Variants in XCR1 observed in about 807,000 individuals in gnomAD.
The protein encoded by XCR1 is chemokine XC receptor 1.
For synonymous variants in XCR1, 187 were observed against 188.5 expected (o/e 0.99, Z 0.06); for missense variants, 356 against 424.2 (o/e 0.84, Z 1.41).
At chr3:46,044,518 T>C (rs989617393) in intron 5 of XCR1, among the ~76,000 whole-genome samples, 3 of 152,132 alleles carry the variant, frequency 2.0e-5, no homozygotes, top group African/African-American at 7.2e-5. Context: ...CTGTACATTG[T>C]CAATAAAATT....
chr3:46,024,100 G>C (rs1708236843), intron 1 of XCR1: 1 of 786,332 alleles, frequency 1.3e-6, no homozygotes, highest in Admixed American at 2.1e-5. Context: ...TACATCTCCA[G>C]AACTTCCCCT....
At position 46,021,602 on chromosome 3, in the gene XCR1, T is replaced by C. The variant is rs1157100121; in HGVS notation, c.346A>G (p.Ser116Gly). 4 of 1,612,900 alleles carry C rather than the reference T, an allele frequency of 2.5e-6. No individual in the cohort carries two copies. Among genetic ancestry groups the C allele is most frequent in the Non-Finnish European group, 3.4e-6 (4 of 1,179,462 alleles). ...GTCATGATGGTCAGGAAGAAGATGC[T>C]GCTGTAGAGGCTGATGGAGAAGATC... is the stretch of plus-strand genomic sequence containing the variant. Reference protein sequence around the residue: ...NMIFSISLYSSIFFLTIMTIH... With the variant: ...NMIFSISLYSGIFFLTIMTIH... The change falls in exon 2 of 2, where the codon AGC becomes GGC. Residue 116 changes from serine to glycine, a missense_variant. Ser to Gly is a moderately conservative substitution (Grantham distance 56). Coordinates refer to ENST00000309285, the MANE Select transcript of XCR1 (RefSeq NM_001024644.2). This position sits in a 1 kb window ranked among gnomAD's most constrained non-coding sequence, Gnocchi z 4.7.
chr3:46,060,117 T>C (rs1697933047), intron 4 of XCR1, among the ~76,000 whole-genome samples: 1 of 152,252 alleles, frequency 6.6e-6, no homozygotes, highest in African/African-American at 2.4e-5. Flanking sequence ...GAAATACTCA[T>C]ATATAGTCCT....
At position 46,021,942 on chromosome 3, in the gene XCR1, C is replaced by A. The variant is rs1299692557; in HGVS notation, c.6G>T (p.Glu2Asp). 8 of 1,609,922 alleles carry A rather than the reference C, an allele frequency of 5.0e-6. No individual in the cohort carries two copies. The South Asian group carries it at 7.8e-5, about 16-fold the overall frequency. Residue 2 changes from glutamate to aspartate, a missense_variant, in exon 2 of 2, where the codon GAG becomes GAT. Glu to Asp is a conservative substitution (Grantham distance 45). Coordinates refer to ENST00000309285, the MANE Select transcript of XCR1 (RefSeq NM_001024644.2). This position sits in a 1 kb window ranked among gnomAD's most constrained non-coding sequence, Gnocchi z 4.7. The stretch of plus-strand genomic sequence containing the variant: ...TGGTGCTCTCTGGGTTGCCTGAGGA[C>A]TCCATCTGGACCAGATGGCAGGGAC... M[E>D]SSGNPESTTF...
rs568812959 is a variant in XCR1 at position 46,021,967 on chromosome 3, C to T, written c.-20G>A. 2.4e-5 allele frequency: 38 copies of T among 1,588,898 alleles called. No individual in the cohort carries two copies. The highest frequency in any genetic ancestry group is 1.7e-4 in the Middle Eastern group (1 of 5,906). ...CTCCATCTGGACCAGATGGCAGGGA[C>T]GTTTAGAGCATCTGAAATGATAGAG... On this transcript the variant is annotated 5_prime_UTR_variant, in exon 2 of 2. Coordinates refer to ENST00000309285, the MANE Select transcript of XCR1 (RefSeq NM_001024644.2). The surrounding 1 kb of genome is among the most constrained non-coding windows in gnomAD (Gnocchi z 4.7).
chr3:46,017,129 C>T lies in XCR1; in HGVS notation c.*3817G>A, dbSNP rs1189765949. 1 of 152,174 alleles carries T rather than the reference C, an allele frequency of 6.6e-6. No individual in the cohort carries two copies. 9.4% of individuals were successfully genotyped at this position (152,174 alleles called of 1,614,324 possible). ...GTAGTTTTACATACATGACCTTATG[C>T]ACAGCCTCATAGTGTGGATGAGTCT... On this transcript the variant is annotated 3_prime_UTR_variant, in exon 2 of 2. Coordinates refer to ENST00000309285, the MANE Select transcript of XCR1 (RefSeq NM_001024644.2).
chr3:46,048,798 T>G lies in XCR1; in HGVS notation c.-32+5122A>C, dbSNP rs184946650. Reference sequence around the variant, plus strand: ...CCATCCATACCAGGAGTCAAAAAATTTAAAGTAAATAAGGCTAAATATAGT... The same window carrying G: ...CCATCCATACCAGGAGTCAAAAAATGTAAAGTAAATAAGGCTAAATATAGT... On this transcript the variant is annotated intron_variant, in intron 5 of 5. Coordinates refer to the XCR1 transcript ENST00000683768. 2.0e-3 allele frequency among the ~76,000 whole-genome samples: 309 copies of G among 152,292 alleles called. 1 individual carries two copies. Among genetic ancestry groups the G allele is most frequent in the African/African-American group, 7.2e-3 (300 of 41,550 alleles).
rs2125892083 is a variant in XCR1 at position 46,019,915 on chromosome 3, C to A, written c.*1031G>T. On this transcript the variant is annotated 3_prime_UTR_variant, in exon 2 of 2. Coordinates refer to ENST00000309285, the MANE Select transcript of XCR1 (RefSeq NM_001024644.2). Reference sequence around the variant, plus strand: ...GCATGCAATGGCAAGAATGAGTCAACTCTGAAAGCCACTAGACAGGCATAG... The same window carrying A: ...GCATGCAATGGCAAGAATGAGTCAAATCTGAAAGCCACTAGACAGGCATAG... 1 of 152,310 alleles carries A rather than the reference C, an allele frequency of 6.6e-6. No individual in the cohort carries two copies. The highest frequency in any genetic ancestry group is 2.1e-4 in the South Asian group (1 of 4,826). 9.4% of individuals were successfully genotyped at this position (152,310 alleles called of 1,614,324 possible).
intron 1 of XCR1, among the ~76,000 whole-genome samples, chr3:46,024,611 A>G (rs1341731252): frequency 6.6e-6 from 1 of 152,236 alleles, no homozygotes. Flanking sequence ...GCTTTCTATC[A>G]TGTATTGACT....
chr3:46,063,525 A>T (rs891427068), intron 4 of XCR1, among the ~76,000 whole-genome samples: 2 of 152,034 alleles, frequency 1.3e-5, no homozygotes, highest in African/African-American at 4.8e-5. Context: ...CCAGGAGAAA[A>T]GGGAACTGTG....
intron 5 of XCR1, among the ~76,000 whole-genome samples, chr3:46,051,692 A>G (rs538540204): frequency 1.3e-5 from 2 of 152,322 alleles, no homozygotes; most frequent in Admixed American, 1.3e-4. Context: ...TGCACTATGT[A>G]TTCTCTCAGT....
intron 4 of XCR1, among the ~76,000 whole-genome samples, chr3:46,064,454 C>A (rs1157957947): frequency 1.3e-5 from 2 of 152,186 alleles, no homozygotes; most frequent in African/African-American, 4.8e-5. Flanking sequence ...TTAAATATGG[C>A]TGCAAATTCT....
intron 1 of XCR1, among the ~76,000 whole-genome samples, chr3:46,079,658 A>T (rs2125904385): frequency 6.6e-6 from 1 of 152,234 alleles, no homozygotes. Context: ...GCCCCTTTTC[A>T]GGTAAAACCA....
At chr3:46,069,869 T>A (rs560084016) in intron 3 of XCR1, among the ~76,000 whole-genome samples, 1 of 152,078 alleles carries the variant, frequency 6.6e-6, no homozygotes, top group East Asian at 1.9e-4. Context: ...CTTTTTCTAG[T>A]TCCTTGAGGT....
chr3:46,024,029 T>G, intron 1 of XCR1: 1 of 1,308,036 alleles, frequency 7.6e-7, no homozygotes, highest in Middle Eastern at 2.2e-4. Context: ...TGGCAGAAGT[T>G]TGCAGCAAAT....
upstream of XCR1, among the ~76,000 whole-genome samples, chr3:46,030,380 T>C (rs888849037): frequency 6.6e-5 from 10 of 152,228 alleles, no homozygotes; most frequent in Admixed American, 6.5e-4. Flanking sequence ...GAAATGATGT[T>C]GGGTTTTGTT....
chr3:46,040,972 T>C (rs144384141), intron 5 of XCR1, among the ~76,000 whole-genome samples: 165 of 152,356 alleles, frequency 1.1e-3, no homozygotes, highest in African/African-American at 3.8e-3. Flanking sequence ...ATGGCTTTTT[T>C]TGTTTGAAAT....
At chr3:46,039,556 C>T (rs1274360734) in intron 5 of XCR1, among the ~76,000 whole-genome samples, 1 of 152,112 alleles carries the variant, frequency 6.6e-6, no homozygotes, top group African/African-American at 2.4e-5. Context: ...TTAAGTAATC[C>T]TTGTGCTGTT....
At chr3:46,049,242 G>A (rs1325813315) in intron 5 of XCR1, among the ~76,000 whole-genome samples, 2 of 152,214 alleles carry the variant, frequency 1.3e-5, no homozygotes, top group African/African-American at 2.4e-5. Context: ...TGTGGCTCCA[G>A]GGGCATGCTG....
Sources: gnomAD v4.1 joint callset for allele counts (sites outside exome capture counted in the v4.1 genomes callset) on GRCh38, gnomAD v4.1.1 for gene constraint, Gnocchi (gnomAD v3.1) non-coding constraint, MANE v1.5 for transcripts, NCBI Gene and HGNC (gene_info 2026-07-23, HGNC 2026-07-21) for gene names.